Variants in ARHGAP10 observed in about 807,000 individuals in gnomAD.
ARHGAP10 encodes Rho GTPase activating protein 10.
A neutral mutation model predicts 108.6 loss-of-function variants in ARHGAP10; 87 were observed. That is an observed-to-expected ratio of 0.80 (90% CI 0.67 to 0.96). ARHGAP10 has a LOEUF of 0.96. Ranked by LOEUF, ARHGAP10 falls within the 40% of genes least tolerant of loss-of-function variation. The probability of loss-of-function intolerance (pLI) is 0.00; values close to 1 mark genes in which losing one functional copy is unlikely to be tolerated. For missense variants in ARHGAP10, 939 were observed against 954.5 expected, an observed-to-expected ratio of 0.98 and a Z score of 0.21; for synonymous variants, 347 against 341.1, an observed-to-expected ratio of 1.02 and a Z score of -0.19.
At chr4:148,068,244 G>GGCAGCA (rs1289158447) in intron 22 of ARHGAP10, among the ~76,000 whole-genome samples, 1 of 152,292 alleles carries the variant, frequency 6.6e-6, no homozygotes, top group Non-Finnish European at 1.5e-5. Context: ...ACGTGGCAGC[G>GGCAGCA]GCAGCAGCAG....
intron 13 of ARHGAP10, among the ~76,000 whole-genome samples, chr4:147,934,379 A>AGATTC (rs1737840887): frequency 6.6e-6 from 1 of 152,176 alleles, no homozygotes; most frequent in Non-Finnish European, 1.5e-5. Flanking sequence ...CTGAATCCTG[A>AGATTC]GATTCCCACA....
At chr4:147,908,966 G>A (rs189535937) in intron 11 of ARHGAP10, among the ~76,000 whole-genome samples, 16 of 152,152 alleles carry the variant, frequency 1.1e-4, no homozygotes, top group Non-Finnish European at 8.8e-5. Context: ...AAAACACAGC[G>A]CACTATCTGC....
intron 18 of ARHGAP10, among the ~76,000 whole-genome samples, chr4:147,971,113 A>AAAG (rs1739391670): frequency 6.6e-6 from 1 of 151,664 alleles, no homozygotes; most frequent in Non-Finnish European, 1.5e-5. Flanking sequence ...AAAAAAAAAA[A>AAAG]AAGAGTTCCT....
intron 4 of ARHGAP10, among the ~76,000 whole-genome samples, chr4:147,855,497 G>A (rs1361815871): frequency 6.6e-6 from 1 of 152,120 alleles, no homozygotes; most frequent in East Asian, 1.9e-4. Flanking sequence ...CTGATCCTCT[G>A]TATCAACAAA....
intron 13 of ARHGAP10, among the ~76,000 whole-genome samples, chr4:147,928,082 A>G (rs1442243168): frequency 1.3e-5 from 2 of 152,236 alleles, no homozygotes; most frequent in Non-Finnish European, 2.9e-5. Context: ...AGCCACCTGT[A>G]GTATACAGTC....
At chr4:147,805,717 A>C (rs750170177) in intron 1 of ARHGAP10, among the ~76,000 whole-genome samples, 5 of 152,232 alleles carry the variant, frequency 3.3e-5, no homozygotes, top group Non-Finnish European at 7.3e-5. Context: ...TGGGAGGCTG[A>C]GGTAGGAGGA....
At chr4:147,797,977 A>G (rs1731386457) in intron 1 of ARHGAP10, among the ~76,000 whole-genome samples, 2 of 151,558 alleles carry the variant, frequency 1.3e-5, no homozygotes, top group African/African-American at 4.9e-5. Context: ...TGTCTCTTAC[A>G]TTTTCCTCTG....
intron 15 of ARHGAP10, among the ~76,000 whole-genome samples, chr4:147,954,656 G>A (rs1044211951): frequency 9.9e-5 from 15 of 151,952 alleles, no homozygotes; most frequent in African/African-American, 2.9e-4. Flanking sequence ...TGTTTATAAA[G>A]CTAGTTGCTC....
chr4:148,009,094 A>G (rs1741068579), intron 18 of ARHGAP10, among the ~76,000 whole-genome samples: 1 of 152,066 alleles, frequency 6.6e-6, no homozygotes, highest in African/African-American at 2.4e-5. Flanking sequence ...GGGGGAAAAA[A>G]ACAAAAAAGT....
At chr4:147,800,930 C>T (rs2126760612) in intron 1 of ARHGAP10, among the ~76,000 whole-genome samples, 1 of 152,284 alleles carries the variant, frequency 6.6e-6, no homozygotes, top group Non-Finnish European at 1.5e-5. Context: ...TTGTGCCTCC[C>T]AAGTAGCTGG....
chr4:148,044,069 A>G (rs1216419528), intron 19 of ARHGAP10, among the ~76,000 whole-genome samples: 1 of 152,054 alleles, frequency 6.6e-6, no homozygotes, highest in Non-Finnish European at 1.5e-5. Context: ...AGGCTGTGTC[A>G]ACATTCCCTT....
intron 18 of ARHGAP10, among the ~76,000 whole-genome samples, chr4:147,983,192 T>TTG (rs1377186114): frequency 6.7e-5 from 10 of 148,206 alleles, no homozygotes; most frequent in South Asian, 2.2e-4. Context: ...GCTTTGTTTT[T>TTG]TTTTTTTTTT....
chr4:148,015,739 A>G (rs1353160862), intron 18 of ARHGAP10, among the ~76,000 whole-genome samples: 1 of 152,234 alleles, frequency 6.6e-6, no homozygotes, highest in Non-Finnish European at 1.5e-5. Context: ...CCCCAAGGTG[A>G]TCAGGGTTTG....
At chr4:147,977,055 G>T (rs1046621677) in intron 18 of ARHGAP10, among the ~76,000 whole-genome samples, 7 of 152,190 alleles carry the variant, frequency 4.6e-5, no homozygotes, top group African/African-American at 1.7e-4. Flanking sequence ...CTGAGGTCCT[G>T]CCCACTCTGA....
intron 13 of ARHGAP10, chr4:147,916,978 G>C (rs144563544): frequency 3.3e-5 from 5 of 152,250 alleles, no homozygotes; most frequent in African/African-American, 9.6e-5. Context: ...CCAGGATACA[G>C]ATTATGTGTT....
chr4:147,772,930 A>G (rs1357820814), intron 1 of ARHGAP10, among the ~76,000 whole-genome samples: 1 of 152,144 alleles, frequency 6.6e-6, no homozygotes, highest in Non-Finnish European at 1.5e-5. Flanking sequence ...ACTGATTAGA[A>G]TTCCAAAAGC....
intron 1 of ARHGAP10, among the ~76,000 whole-genome samples, chr4:147,783,603 G>T (rs1014424627): frequency 6.9e-6 from 1 of 145,174 alleles, no homozygotes; most frequent in African/African-American, 2.5e-5. Flanking sequence ...ATTAAATTGT[G>T]TATTGTATAA....
intron 12 of ARHGAP10, among the ~76,000 whole-genome samples, chr4:147,912,568 T>G (rs377735676): frequency 0.023 from 2,401 of 104,210 alleles, 111 homozygotes; most frequent in South Asian, 0.033. Context: ...TATATATATA[T>G]ATATATATAT....
intron 18 of ARHGAP10, among the ~76,000 whole-genome samples, chr4:148,012,924 G>GT (rs560854784): frequency 0.1 from 13,995 of 138,894 alleles, 950 homozygotes; most frequent in South Asian, 0.22. Flanking sequence ...TATCTGTCTG[G>GT]TTTTTTTTTT....
Sources: allele counts gnomAD v4.1 joint callset (sites outside exome capture counted in the v4.1 genomes callset), GRCh38; gene constraint gnomAD v4.1.1; transcripts MANE v1.5; gene names NCBI Gene and HGNC (gene_info 2026-07-23, HGNC 2026-07-21).